Variants in DLGAP2 observed in about 807,000 individuals in gnomAD.
The protein encoded by DLGAP2 is disks large-associated protein 2.
A neutral mutation model predicts 100.3 loss-of-function variants in DLGAP2; 26 were observed. The ratio of observed to expected loss-of-function variants is 0.26; its 90% CI spans 0.19 to 0.36. The LOEUF (loss-of-function observed/expected upper bound fraction) is 0.36, where lower values mean the gene tolerates loss of function less well. DLGAP2 is among the 10% of genes least tolerant of loss of function. DLGAP2 has a pLI of 1.00. For synonymous variants in DLGAP2, 886 were observed against 630.1 expected (o/e 1.41, Z -6.08); for missense variants, 1,858 against 1,453.2 (o/e 1.28, Z -4.53).
At chr8:1,165,188 G>GGGAA (rs1412119822) in intron 2 of DLGAP2, among the ~76,000 whole-genome samples, 3 of 143,622 alleles carry the variant, frequency 2.1e-5, no homozygotes. Context: ...GAGGGTGGGA[G>GGGAA]GGAAGGAGGG....
intron 3 of DLGAP2, among the ~76,000 whole-genome samples, chr8:1,349,485 C>T (rs1298871970): frequency 2.4e-5 from 3 of 125,790 alleles, no homozygotes; most frequent in Non-Finnish European, 3.5e-5. Flanking sequence ...ATGAGCCTCC[C>T]GCCCACATCC....
chr8:1,639,607 G>A (rs1477616111), intron 8 of DLGAP2, among the ~76,000 whole-genome samples: 3 of 152,162 alleles, frequency 2.0e-5, no homozygotes. Context: ...TCTCATATTT[G>A]CAGCTGTAAA....
chr8:1,039,804 C>CCGTGGTCGGCTCGGTGTG (rs1802264079), intron 2 of DLGAP2, among the ~76,000 whole-genome samples: 1 of 123,626 alleles, frequency 8.1e-6, no homozygotes, highest in Non-Finnish European at 1.7e-5. Flanking sequence ...AGCTCGGTTT[C>CCGTGGTCGGCTCGGTGTG]CGTGGTCGGC....
At chr8:782,690 T>C (rs1333145434) in intron 1 of DLGAP2, among the ~76,000 whole-genome samples, 1 of 152,228 alleles carries the variant, frequency 6.6e-6, no homozygotes, top group East Asian at 1.9e-4. Flanking sequence ...ACTGATTTTA[T>C]CACCTGTTTT....
At chr8:1,473,850 T>G (rs976171424) in intron 3 of DLGAP2, among the ~76,000 whole-genome samples, 1 of 152,210 alleles carries the variant, frequency 6.6e-6, no homozygotes, top group Non-Finnish European at 1.5e-5. Flanking sequence ...TCTGCCACCA[T>G]GTAAGACCTG....
rs115177695 is a variant in DLGAP2, at chr8:1,614,494, C to T, written c.1443-12246C>T. On this transcript the variant is annotated intron_variant, in intron 6 of 14. Coordinates refer to ENST00000637795, the MANE Select transcript of DLGAP2 (RefSeq NM_001346810.2). ...CCGCAGCTGCCATTGACGGCTTGGACCCCGCTTTGTGTTGCCAGCATCACC... is the reference window on the plus strand; with the variant it reads ...CCGCAGCTGCCATTGACGGCTTGGATCCCGCTTTGTGTTGCCAGCATCACC... 6.0e-3 allele frequency among the ~76,000 whole-genome samples: 913 copies of T among 152,324 alleles called. 7 individuals carry two copies. The highest frequency in any genetic ancestry group is 0.021 in the African/African-American group (857 of 41,572).
chr8:1,103,454 G>C (rs1804654124), intron 2 of DLGAP2, among the ~76,000 whole-genome samples: 1 of 149,972 alleles, frequency 6.7e-6, no homozygotes, highest in Admixed American at 6.6e-5. Context: ...ATGACTGGCG[G>C]GGCCTTGGTT....
At chr8:1,323,493 C>G (rs1023311507) in intron 3 of DLGAP2, among the ~76,000 whole-genome samples, 2 of 152,230 alleles carry the variant, frequency 1.3e-5, no homozygotes, top group Non-Finnish European at 2.9e-5. Flanking sequence ...ACTGTGGCTC[C>G]TGCTGTACCA....
At chr8:855,211 T>C (rs1230744182) in intron 1 of DLGAP2, among the ~76,000 whole-genome samples, 1 of 152,244 alleles carries the variant, frequency 6.6e-6, no homozygotes, top group Non-Finnish European at 1.5e-5. Context: ...TGTGGGATCA[T>C]TGACTCCAGC....
At chr8:1,329,305 G>A (rs531997357) in intron 3 of DLGAP2, among the ~76,000 whole-genome samples, 2 of 152,338 alleles carry the variant, frequency 1.3e-5, no homozygotes, top group African/African-American at 2.4e-5. Flanking sequence ...GCACCAGAGA[G>A]TGCTGCATTC....
At chr8:1,662,961 AGT>A (rs1326125174) in intron 8 of DLGAP2, among the ~76,000 whole-genome samples, 2 of 115,976 alleles carry the variant, frequency 1.7e-5, no homozygotes, top group African/African-American at 3.5e-5. Flanking sequence ...CACATGTGTG[AGT>A]GTGGGGTATG....
chr8:1,285,198 A>T (rs1475009828), intron 3 of DLGAP2, among the ~76,000 whole-genome samples: 1 of 152,192 alleles, frequency 6.6e-6, no homozygotes, highest in African/African-American at 2.4e-5. Context: ...CACGTTCCCA[A>T]TGGCTCCCAT....
chr8:1,189,087 C>T (rs1357888563), intron 2 of DLGAP2, among the ~76,000 whole-genome samples: 4 of 147,258 alleles, frequency 2.7e-5, no homozygotes, highest in East Asian at 3.9e-4. Flanking sequence ...AGGCCGGTTC[C>T]GCGGTTGGGG....
intron 1 of DLGAP2, among the ~76,000 whole-genome samples, chr8:873,823 A>G (rs142586954): frequency 3.1e-3 from 466 of 152,320 alleles, no homozygotes; most frequent in Non-Finnish European, 4.9e-3. Context: ...GATTTGGCAG[A>G]ATTCAGTAGA....
chr8:1,635,550 A>G (rs2130784955), intron 8 of DLGAP2, among the ~76,000 whole-genome samples: 1 of 152,210 alleles, frequency 6.6e-6, no homozygotes, highest in South Asian at 2.1e-4. Flanking sequence ...TGACAGATTG[A>G]TTTTCTTTTA....
chr8:1,559,140 G>T (rs1802074310), intron 5 of DLGAP2, among the ~76,000 whole-genome samples: 2 of 152,296 alleles, frequency 1.3e-5, no homozygotes, highest in Middle Eastern at 3.4e-3. Flanking sequence ...ATGCCTTTTT[G>T]TTAGAAATTA....
At chr8:1,517,497 C>T (rs572543125) in intron 4 of DLGAP2, among the ~76,000 whole-genome samples, 21 of 152,306 alleles carry the variant, frequency 1.4e-4, no homozygotes, top group African/African-American at 4.8e-4. Flanking sequence ...TCGTTTCCTC[C>T]ACCGAGCTGT....
At chr8:1,138,866 T>G (rs1796470207) in intron 2 of DLGAP2, among the ~76,000 whole-genome samples, 1 of 152,064 alleles carries the variant, frequency 6.6e-6, no homozygotes. Flanking sequence ...CTCTTCCTGT[T>G]TATTTACTAG....
chr8:1,061,624 A>T (rs1803085830), intron 2 of DLGAP2, among the ~76,000 whole-genome samples: 1 of 151,870 alleles, frequency 6.6e-6, no homozygotes, highest in Non-Finnish European at 1.5e-5. Flanking sequence ...AACGCCCCAA[A>T]CTGTTGCTGT....
Sources: gnomAD v4.1 joint callset for allele counts (sites outside exome capture counted in the v4.1 genomes callset) on GRCh38, gnomAD v4.1.1 for gene constraint, MANE v1.5 for transcripts, NCBI Gene and HGNC (gene_info 2026-07-23, HGNC 2026-07-21) for gene names.